The following GREM2 variants were observed in gnomAD, a reference collection of about 807,000 sequenced individuals.
GREM2 encodes gremlin 2, DAN family BMP antagonist.
A neutral mutation model predicts 14.2 loss-of-function variants in GREM2; 11 were observed. The observed-to-expected ratio is 0.78, with a 90% CI of 0.49 to 1.28. The LOEUF is 1.28. GREM2 is among the 50% of genes most tolerant of loss of function. The pLI, the probability that GREM2 is intolerant of heterozygous loss-of-function variation, is 0.00. For synonymous variants in GREM2, 98 were observed against 97.6 expected, an observed-to-expected ratio of 1.00 and a Z score of -0.02; for missense variants, 210 against 218.5, an observed-to-expected ratio of 0.96 and a Z score of 0.24.
chr1:240,504,574 C>T (rs1656893248), intron 1 of GREM2, among the ~76,000 whole-genome samples: 1 of 152,136 alleles, frequency 6.6e-6, no homozygotes, highest in Non-Finnish European at 1.5e-5. Flanking sequence ...CCAACCCACT[C>T]TTATTGTGGT....
chr1:240,559,802 A>G (rs981002154), intron 1 of GREM2, among the ~76,000 whole-genome samples: 3 of 152,186 alleles, frequency 2.0e-5, no homozygotes, highest in African/African-American at 7.2e-5. Flanking sequence ...TTTTGAGAAC[A>G]TTTCTCCCAA....
intron 1 of GREM2, among the ~76,000 whole-genome samples, chr1:240,573,504 T>C (rs908175850): frequency 1.3e-5 from 2 of 152,212 alleles, no homozygotes; most frequent in Non-Finnish European, 2.9e-5. Flanking sequence ...TTTAAACCAT[T>C]GCATTTAGAT....
intron 1 of GREM2, among the ~76,000 whole-genome samples, chr1:240,509,073 T>C (rs1432902461): frequency 6.6e-6 from 1 of 152,322 alleles, no homozygotes; most frequent in East Asian, 1.9e-4. Flanking sequence ...CTTTGAGCAA[T>C]TTCCCCATGT....
At chr1:240,596,992 G>A (rs1679831659) in intron 1 of GREM2, among the ~76,000 whole-genome samples, 1 of 152,200 alleles carries the variant, frequency 6.6e-6, no homozygotes, top group Non-Finnish European at 1.5e-5. Flanking sequence ...GGCCTGCTCT[G>A]TCCTTCTTTC....
chr1:240,611,848 G>C (rs1277565513), intron 1 of GREM2, 36 bp downstream of exon 1: 1 of 152,650 alleles, frequency 6.6e-6, no homozygotes, highest in Non-Finnish European at 1.5e-5. Flanking sequence ...ATCAGAAACC[G>C]TGTCTGTGTC....
At chr1:240,494,308 G>A (rs1188207738) in intron 1 of GREM2, among the ~76,000 whole-genome samples, 1 of 152,156 alleles carries the variant, frequency 6.6e-6, no homozygotes, top group Non-Finnish European at 1.5e-5. Flanking sequence ...ATTTACCTGA[G>A]GTCACACAAC....
chr1:240,521,428 G>A (rs1368148676), intron 1 of GREM2, among the ~76,000 whole-genome samples: 5 of 151,392 alleles, frequency 3.3e-5, no homozygotes, highest in Non-Finnish European at 7.4e-5. Context: ...ACAATTAGCC[G>A]GGCATGGTGA....
intron 1 of GREM2, among the ~76,000 whole-genome samples, chr1:240,564,243 C>T (rs965879420): frequency 2.3e-4 from 35 of 151,420 alleles, no homozygotes; most frequent in Admixed American, 1.6e-3. Context: ...TGGTGGCTCA[C>T]GCCTGTAATC....
Position 240,547,701 on chromosome 1 carries a change from G to A in GREM2, c.-1-54225C>T, listed in dbSNP as rs571976036. 2.4e-4 allele frequency among the ~76,000 whole-genome samples: 37 copies of A among 151,994 alleles called. No homozygotes were observed. The South Asian group carries it at 2.7e-3, about 11-fold the overall frequency. ...TGTAAATGAAAAGCTTCTTAGCACA[G>A]CACTGATGTGCATGAAGAGGTGTCT... is the stretch of plus-strand genomic sequence containing the variant. On this transcript the variant is annotated intron_variant, in intron 1 of 1. Coordinates refer to ENST00000318160, the MANE Select transcript of GREM2 (RefSeq NM_022469.4).
intron 1 of GREM2, among the ~76,000 whole-genome samples, chr1:240,562,868 G>GTGAGTGTGTATGTGTGTA (rs1264747941): frequency 1.3e-5 from 2 of 149,964 alleles, no homozygotes; most frequent in Admixed American, 1.3e-4. Flanking sequence ...ATGTGTATAT[G>GTGAGTGTGTATGTGTGTA]TGAGTGTGTA....
At chr1:240,558,701 C>A (rs978519501) in intron 1 of GREM2, among the ~76,000 whole-genome samples, 1 of 151,964 alleles carries the variant, frequency 6.6e-6, no homozygotes, top group African/African-American at 2.4e-5. Context: ...TGTCAGAATC[C>A]ATTTTGCCCT....
chr1:240,508,864 T>C (rs1677737119), intron 1 of GREM2, among the ~76,000 whole-genome samples: 1 of 152,222 alleles, frequency 6.6e-6, no homozygotes, highest in South Asian at 2.1e-4. Context: ...TGAGAATTGA[T>C]ATTTTTAATA....
chr1:240,578,818 A>C (rs1359970908), intron 1 of GREM2, among the ~76,000 whole-genome samples: 1 of 151,874 alleles, frequency 6.6e-6, no homozygotes, highest in Non-Finnish European at 1.5e-5. Flanking sequence ...ATAAAATAAA[A>C]ATAGAAAAAA....
intron 1 of GREM2, among the ~76,000 whole-genome samples, chr1:240,601,894 C>T (rs1439297332): frequency 7.7e-6 from 1 of 130,452 alleles, no homozygotes; most frequent in Non-Finnish European, 1.6e-5. Context: ...GCCTGGGCGA[C>T]AGAGTGAGAA....
intron 1 of GREM2, among the ~76,000 whole-genome samples, chr1:240,596,706 A>AC (rs1423005930): frequency 6.6e-5 from 10 of 152,128 alleles, no homozygotes; most frequent in South Asian, 2.1e-4. Flanking sequence ...AAAAAAAAAA[A>AC]ACACACAAGG....
chr1:240,580,763 G>T (rs976090709), intron 1 of GREM2, among the ~76,000 whole-genome samples: 1 of 152,076 alleles, frequency 6.6e-6, no homozygotes, highest in Non-Finnish European at 1.5e-5. Context: ...TGAAGAGATG[G>T]TGTCTCACTA....
chr1:240,522,287 C>T (rs894161541), intron 1 of GREM2, among the ~76,000 whole-genome samples: 6 of 152,172 alleles, frequency 3.9e-5, no homozygotes, highest in East Asian at 3.9e-4. Context: ...CAGGGAAAGC[C>T]GTGAATAACA....
chr1:240,493,182 G>A lies in GREM2; in HGVS notation c.294C>T (p.Tyr98=), dbSNP rs143137000. ...RSRTILNRFC[Y]GQCNSFYIPR... ...GGATGTAGAAGGAGTTGCACTGGCC[G>A]TAGCAGAAGCGGTTGAGGATGGTGC... The change falls in exon 2 of 2, where the codon TAC becomes TAT. Residue 98 remains tyrosine, a synonymous_variant. Transcript: ENST00000318160. The A allele has an allele frequency of 1.1e-4, 182 of 1,614,058 alleles. No individual in the cohort carries two copies. The highest frequency in any genetic ancestry group is 1.3e-4 in the Non-Finnish European group (159 of 1,180,040).
At chr1:240,515,317 A>T (rs1318721616) in intron 1 of GREM2, among the ~76,000 whole-genome samples, 2 of 152,224 alleles carry the variant, frequency 1.3e-5, no homozygotes, top group Non-Finnish European at 2.9e-5. Context: ...AATTTCCTCC[A>T]TTCATAGTTT....
Sources: allele counts gnomAD v4.1 joint callset (sites outside exome capture counted in the v4.1 genomes callset), GRCh38; gene constraint gnomAD v4.1.1; transcripts MANE v1.5; gene names NCBI Gene and HGNC (gene_info 2026-07-23, HGNC 2026-07-21).